The following PIK3CB variants were observed in gnomAD, a reference collection of about 807,000 sequenced individuals.
The protein encoded by PIK3CB is phosphatidylinositol 4,5-bisphosphate 3-kinase catalytic subunit beta isoform.
A neutral mutation model predicts 136.8 loss-of-function variants in PIK3CB; 39 were observed. The ratio of observed to expected loss-of-function variants is 0.29; its 90% CI spans 0.22 to 0.37. The LOEUF (loss-of-function observed/expected upper bound fraction) is 0.37. Ranked by LOEUF, PIK3CB falls within the 10% of genes least tolerant of loss-of-function variation. The pLI, the probability that PIK3CB is intolerant of heterozygous loss-of-function variation, is 1.00. For synonymous variants in PIK3CB, 428 were observed against 436.6 expected, an observed-to-expected ratio of 0.98 and a Z score of 0.25; for missense variants, 868 against 1,275.4, an observed-to-expected ratio of 0.68 and a Z score of 4.87.
rs1177289347 is a variant in PIK3CB at position 138,654,348 on chromosome 3, G to A, written c.*1041C>T. On this transcript the variant is annotated 3_prime_UTR_variant, in exon 24 of 24. Coordinates refer to ENST00000674063, the MANE Select transcript of PIK3CB (RefSeq NM_006219.3). Reference sequence around the variant, plus strand: ...CAAATAACTTAAAGATTTCCGTGTGGCGTGAAACCATTTCAATTTGAACTA... The same window carrying A: ...CAAATAACTTAAAGATTTCCGTGTGACGTGAAACCATTTCAATTTGAACTA... 1.4e-5 allele frequency: 3 copies of A among 220,594 alleles called. No individual in the cohort carries two copies. Among genetic ancestry groups the A allele is most frequent in the Non-Finnish European group, 1.8e-5 (2 of 110,318 alleles). 13.7% of individuals were successfully genotyped at this position (220,594 alleles called of 1,614,324 possible).
At chr3:138,663,161 C>T (rs1275980626) in intron 21 of PIK3CB, among the ~76,000 whole-genome samples, 2 of 152,148 alleles carry the variant, frequency 1.3e-5, no homozygotes, top group African/African-American at 4.8e-5. Context: ...ACCTACTCAT[C>T]TGACAAATGG....
At chr3:138,755,383 T>C (rs2045546407) in intron 4 of PIK3CB, among the ~76,000 whole-genome samples, 1 of 152,218 alleles carries the variant, frequency 6.6e-6, no homozygotes. Context: ...GGCTCATACC[T>C]GTAATCCCAG....
chr3:138,830,895 C>A (rs1933998134), intron 1 of PIK3CB, among the ~76,000 whole-genome samples: 1 of 137,372 alleles, frequency 7.3e-6, no homozygotes, highest in African/African-American at 2.8e-5. Context: ...GAGCGAAACT[C>A]CGTCTCAAAA....
At chr3:138,673,852 A>G (rs1366317809) in intron 19 of PIK3CB, among the ~76,000 whole-genome samples, 1 of 152,130 alleles carries the variant, frequency 6.6e-6, no homozygotes, top group Admixed American at 6.5e-5. Flanking sequence ...AGGAAAGAAA[A>G]ATGAAGTTGG....
At chr3:138,682,824 C>T (rs2043808545) in intron 18 of PIK3CB, among the ~76,000 whole-genome samples, 1 of 152,174 alleles carries the variant, frequency 6.6e-6, no homozygotes, top group East Asian at 1.9e-4. Context: ...ATAACCCTGA[C>T]ATACAGATGC....
intron 1 of PIK3CB, among the ~76,000 whole-genome samples, chr3:138,822,245 A>G (rs142190966): frequency 2.0e-5 from 3 of 152,150 alleles, no homozygotes; most frequent in South Asian, 4.2e-4. Context: ...TTGAAAATAT[A>G]TAACTAGGCC....
At chr3:138,713,945 A>C (rs1210735353) in intron 9 of PIK3CB, among the ~76,000 whole-genome samples, 1 of 152,176 alleles carries the variant, frequency 6.6e-6, no homozygotes, top group African/African-American at 2.4e-5. Context: ...AGAGATAACA[A>C]AAAGCTAATG....
At chr3:138,827,452 T>C (rs1467177172) in intron 1 of PIK3CB, among the ~76,000 whole-genome samples, 3 of 151,802 alleles carry the variant, frequency 2.0e-5, no homozygotes, top group Admixed American at 6.6e-5. Flanking sequence ...GCCAAGAGCA[T>C]GAGACCCAGC....
chr3:138,827,955 T>G (rs1933856205), intron 1 of PIK3CB, among the ~76,000 whole-genome samples: 1 of 151,304 alleles, frequency 6.6e-6, no homozygotes, highest in Admixed American at 6.6e-5. Flanking sequence ...GCCACTGCAC[T>G]CCAACCTGGG....
At chr3:138,816,728 C>A (rs1483323059) in intron 1 of PIK3CB, among the ~76,000 whole-genome samples, 1 of 152,108 alleles carries the variant, frequency 6.6e-6, no homozygotes, top group African/African-American at 2.4e-5. Context: ...CTGTGAGTCA[C>A]CAAATGGTAT....
At chr3:138,734,010 G>C (rs2045048114) in intron 7 of PIK3CB, among the ~76,000 whole-genome samples, 1 of 152,030 alleles carries the variant, frequency 6.6e-6, no homozygotes, top group African/African-American at 2.4e-5. Flanking sequence ...AGTAATAAAA[G>C]CTTTGTATAA....
intron 1 of PIK3CB, chr3:138,825,381 G>A: frequency 1.6e-6 from 1 of 612,180 alleles, no homozygotes; most frequent in Non-Finnish European, 2.9e-6. Context: ...GCTGAAGTGT[G>A]AAGCAACTAA....
At chr3:138,777,951 C>T (rs1436366956) in intron 2 of PIK3CB, 9 of 315,226 alleles carry the variant, frequency 2.9e-5, no homozygotes, top group Middle Eastern at 1.4e-3. Context: ...CTCAACTACA[C>T]GGTCTATATG....
At chr3:138,811,038 T>A (rs1177293831) in intron 1 of PIK3CB, among the ~76,000 whole-genome samples, 1 of 150,806 alleles carries the variant, frequency 6.6e-6, no homozygotes, top group Non-Finnish European at 1.5e-5. Context: ...ACCAGCCTGG[T>A]CAACGTAGCG....
chr3:138,794,491 G>A (rs2046087230), intron 2 of PIK3CB, among the ~76,000 whole-genome samples: 1 of 152,146 alleles, frequency 6.6e-6, no homozygotes, highest in Non-Finnish European at 1.5e-5. Flanking sequence ...TATGAATTTA[G>A]CTAGCATAAC....
rs1301015215 is a variant in PIK3CB, at chr3:138,733,382, A to C, written c.1029T>G (p.Leu343=). Residue 343 remains leucine (L), a synonymous_variant, in exon 8 of 24, where the codon CTT becomes CTG. Transcript: ENST00000674063. Reference sequence around the variant, plus strand: ...TCACTTTTACAGTTTCCTCTGTGTTAAGTTTATTTCCCTTAACCAAGACAA... The same window carrying C: ...TCACTTTTACAGTTTCCTCTGTGTTCAGTTTATTTCCCTTAACCAAGACAA... The part of the protein sequence containing the change: ...FQIVLVKGNK[L]NTEETVKVHV... 1 of 1,563,152 alleles carries C rather than the reference A, an allele frequency of 6.4e-7. No individual in the cohort carries two copies. Among genetic ancestry groups the C allele is most frequent in the African/African-American group, 1.4e-5 (1 of 73,956 alleles).
rs2108671726 is a variant in PIK3CB, at chr3:138,742,601, TA to T, written c.577del (p.Tyr193MetfsTer7). ...AACAGCTACGATGAGCTTTCCCCCA[TA>T]AAGTTTATCTTCTAAGTTTTCAGGG... ...SIPENLEDKLYGGKLIVAVHF... is the reference protein window; with the variant it reads ...SIPENLEDKLXGGKLIVAVHF... On this transcript the variant is annotated frameshift_variant, in exon 5 of 24. Transcript: ENST00000674063. LOFTEE classifies it high-confidence loss of function. 1 of 1,602,448 alleles carries T rather than the reference TA, an allele frequency of 6.2e-7. No homozygotes were observed. Among genetic ancestry groups the T allele is most frequent in the Non-Finnish European group, 8.5e-7 (1 of 1,170,418 alleles).
chr3:138,699,169 T>A, intron 12 of PIK3CB, 74 bp from the exon 13 acceptor site: 1 of 430,098 alleles, frequency 2.3e-6, no homozygotes, highest in Non-Finnish European at 3.9e-6. Flanking sequence ...AATTTATATA[T>A]ATTTATATAT....
chr3:138,810,606 C>T (rs1396513931), intron 1 of PIK3CB, among the ~76,000 whole-genome samples: 1 of 151,786 alleles, frequency 6.6e-6, no homozygotes, highest in Non-Finnish European at 1.5e-5. Flanking sequence ...TTCCTCAGAA[C>T]TGTCATGGTC....
Sources: allele counts gnomAD v4.1 joint callset (sites outside exome capture counted in the v4.1 genomes callset), GRCh38; gene constraint gnomAD v4.1.1; transcripts MANE v1.5; gene names NCBI Gene and HGNC (gene_info 2026-07-23, HGNC 2026-07-21).